ATP1A4: variants seen among roughly 807,000 people sequenced by gnomAD.
ATP1A4 encodes sodium/potassium-transporting ATPase subunit alpha-4.
Under a neutral mutation model 114.3 loss-of-function variants are expected in ATP1A4, and 90 were observed. The observed-to-expected ratio is 0.79, with a 90% confidence interval of 0.66 to 0.94. ATP1A4 has a LOEUF of 0.94. Ranked by LOEUF, ATP1A4 falls within the 40% of genes least tolerant of loss-of-function variation. ATP1A4 has a pLI of 0.00. For missense variants in ATP1A4, 1,222 were observed against 1,313.6 expected, an observed-to-expected ratio of 0.93 and a Z score of 1.08; for synonymous variants, 511 against 494.1, an observed-to-expected ratio of 1.03 and a Z score of -0.45.
At position 160,181,834 on chromosome 1, in the gene ATP1A4, G is replaced by A; in HGVS notation, c.2867+20G>A. 2.5e-6 allele frequency: 4 copies of A among 1,613,518 alleles called. No individual in the cohort carries two copies. The highest frequency in any genetic ancestry group is 3.4e-6 in the Non-Finnish European group (4 of 1,179,876). Reference sequence around the variant, plus strand: ...CATGAGGTGAACATCTCACAAAACAGCCCAGCACTCTCCCAAGCCCCACAC... The same window carrying A: ...CATGAGGTGAACATCTCACAAAACAACCCAGCACTCTCCCAAGCCCCACAC... On this transcript the variant is annotated intron_variant, in intron 19 of 21. Coordinates refer to ENST00000368081, the MANE Select transcript of ATP1A4 (RefSeq NM_144699.4).
rs1054048664 is a variant in ATP1A4 at position 160,151,971 on chromosome 1, C to T, written c.-70C>T. Reference sequence around the variant, plus strand: ...CCCCCTTGCCCGCGCGCCCTCTTCCCTTCCCCTTGCCTCACTCTCTCAGCT... The same window carrying T: ...CCCCCTTGCCCGCGCGCCCTCTTCCTTTCCCCTTGCCTCACTCTCTCAGCT... On this transcript the variant is annotated 5_prime_UTR_variant, in exon 1 of 22. Coordinates refer to ENST00000368081, the MANE Select transcript of ATP1A4 (RefSeq NM_144699.4). 1.9e-6 allele frequency: 3 copies of T among 1,550,674 alleles called. No individual in the cohort carries two copies. Among genetic ancestry groups the T allele is most frequent in the African/African-American group, 1.4e-5 (1 of 72,772 alleles).
Position 160,171,305 on chromosome 1 carries a change from G to A in ATP1A4, c.1546G>A (p.Gly516Ser). The change falls in exon 11 of 22, where the codon GGT becomes AGT. Residue 516 changes from glycine (G) to serine (S), a missense_variant. Coordinates refer to ENST00000368081, the MANE Select transcript of ATP1A4 (RefSeq NM_144699.4). ...CCAGACCCACGTACTGATGATGAAGGGTGCTCCGGAGAGGATCTTGGAGTT... is the reference window on the plus strand; with the variant it reads ...CCAGACCCACGTACTGATGATGAAGAGTGCTCCGGAGAGGATCTTGGAGTT... ...SSQTHVLMMK[G>S]APERILEFCS... 2.5e-6 allele frequency: 4 copies of A among 1,614,026 alleles called. No homozygotes were observed.
chr1:160,160,373 C>T (rs558692022), intron 6 of ATP1A4, among the ~76,000 whole-genome samples: 4 of 152,174 alleles, frequency 2.6e-5, no homozygotes, highest in South Asian at 2.1e-4. Context: ...CCCACCACCA[C>T]GCCCAGTTAT....
intron 6 of ATP1A4, among the ~76,000 whole-genome samples, chr1:160,161,501 A>G (rs1652861744): frequency 6.6e-6 from 1 of 152,202 alleles, no homozygotes; most frequent in African/African-American, 2.4e-5. Context: ...CTCTAGACAC[A>G]CTGAGATTAA....
At position 160,171,762 on chromosome 1, in the gene ATP1A4, A is replaced by G. The variant is rs1653272280; in HGVS notation, c.1854+5A>G. 1.2e-6 allele frequency: 2 copies of G among 1,613,142 alleles called. No homozygotes were observed. The highest frequency in any genetic ancestry group is 1.7e-6 in the Non-Finnish European group (2 of 1,179,512). On this transcript the variant is annotated splice_donor_5th_base_variant and intron_variant, in intron 12 of 21. Coordinates refer to ENST00000368081, the MANE Select transcript of ATP1A4 (RefSeq NM_144699.4). ...TGTCGCAGTGCAGGAATTAAGGTAA[A>G]TACTTGCCCAGACCAGGAGCCCCTC... is the stretch of plus-strand genomic sequence containing the variant.
chr1:160,168,746 G>T (rs140069107), intron 10 of ATP1A4, among the ~76,000 whole-genome samples: 3 of 151,964 alleles, frequency 2.0e-5, no homozygotes, highest in African/African-American at 4.8e-5. Context: ...AGCAAGTAAG[G>T]GTTAAATAGA....
chr1:160,171,108 C>A, intron 10 of ATP1A4, 143 bp from the exon 11 acceptor site: 1 of 699,182 alleles, frequency 1.4e-6, no homozygotes. Flanking sequence ...CAACCTGGGG[C>A]GAGATGTGAC....
chr1:160,159,094 A>T lies in ATP1A4; in HGVS notation c.618A>T (p.Arg206=). ...TGGTGGAAATCAAGGGTGGAGACCG[A>T]GTCCCTGCTGACCTCCGGCTTATCT... ...GDLVEIKGGD[R]VPADLRLISA... The change falls in exon 5 of 22, where the codon CGA becomes CGT. Residue 206 remains arginine (R), a synonymous_variant. Coordinates refer to ENST00000368081, the MANE Select transcript of ATP1A4 (RefSeq NM_144699.4). 1 of 1,614,152 alleles carries T rather than the reference A, an allele frequency of 6.2e-7. No individual in the cohort carries two copies.
At chr1:160,178,030 T>C (rs1653544265) in intron 18 of ATP1A4, among the ~76,000 whole-genome samples, 1 of 152,198 alleles carries the variant, frequency 6.6e-6, no homozygotes, top group African/African-American at 2.4e-5. Flanking sequence ...TCTCCTCTTA[T>C]ACTCTCCCTC....
intron 6 of ATP1A4, among the ~76,000 whole-genome samples, chr1:160,162,084 C>G (rs1652882654): frequency 6.6e-6 from 1 of 152,152 alleles, no homozygotes; most frequent in South Asian, 2.1e-4. Context: ...TGCTTTCATT[C>G]CATTTCGAAG....
At chr1:160,181,088 C>T (rs1653683076) in intron 18 of ATP1A4, among the ~76,000 whole-genome samples, 1 of 152,106 alleles carries the variant, frequency 6.6e-6, no homozygotes, top group South Asian at 2.1e-4. Context: ...TTTATTGAGC[C>T]ATGCTACATG....
At chr1:160,181,573 G>T (rs1272841570) in intron 18 of ATP1A4, 111 bp from the exon 19 acceptor site, 477 of 944,518 alleles carry the variant, frequency 5.1e-4, no homozygotes, top group Non-Finnish European at 6.6e-4. Context: ...AAAAAAAAAA[G>T]AATGAGGACC....
rs1366130289 is a variant in ATP1A4, at chr1:160,177,500, G to A, written c.2591-19G>A. 2.5e-6 allele frequency: 4 copies of A among 1,613,110 alleles called. No homozygotes were observed. The highest frequency in any genetic ancestry group is 3.4e-6 in the Non-Finnish European group (4 of 1,179,700). On this transcript the variant is annotated intron_variant, in intron 17 of 21. Transcript: ENST00000368081. ...TCTCTGAACCAGGCTCCCCTGTCCT[G>A]CAACTCTGTCATTCACAGGGATGAT...
intron 6 of ATP1A4, among the ~76,000 whole-genome samples, chr1:160,160,606 T>A (rs1348709028): frequency 6.6e-6 from 1 of 152,148 alleles, no homozygotes; most frequent in Non-Finnish European, 1.5e-5. Flanking sequence ...CCAGATATTA[T>A]CCCTATTTTA....
At chr1:160,157,896 A>G (rs867505952) in intron 4 of ATP1A4, among the ~76,000 whole-genome samples, 4 of 152,206 alleles carry the variant, frequency 2.6e-5, no homozygotes, top group African/African-American at 7.2e-5. Context: ...AAAGAATACG[A>G]CGGTAAACAG....
At chr1:160,168,377 C>T (rs200601536) in intron 10 of ATP1A4, among the ~76,000 whole-genome samples, 23 of 97,042 alleles carry the variant, frequency 2.4e-4, no homozygotes, top group South Asian at 1.3e-3. Flanking sequence ...CTGCTGGTAT[C>T]TTTTTTTTTT....
intron 10 of ATP1A4, among the ~76,000 whole-genome samples, chr1:160,169,450 A>G (rs1653157686): frequency 1.3e-5 from 2 of 152,196 alleles, no homozygotes; most frequent in Admixed American, 6.5e-5. Context: ...GCACTTAGAA[A>G]ACTGAGCTCT....
chr1:160,152,295 CT>C, intron 1 of ATP1A4, 108 bp downstream of exon 1: 4 of 1,226,714 alleles, frequency 3.3e-6, no homozygotes, highest in Non-Finnish European at 4.4e-6. Flanking sequence ...AGCCACATCT[CT>C]TCTCTGTTAG....
Position 160,155,203 on chromosome 1 carries a change from C to T in ATP1A4, c.366C>T (p.Ala122=), listed in dbSNP as rs369880835. 2 of 1,613,686 alleles carry T rather than the reference C, an allele frequency of 1.2e-6. No individual in the cohort carries two copies. The highest frequency in any genetic ancestry group is 1.7e-6 in the Non-Finnish European group (2 of 1,179,918). The part of the protein sequence containing the change: ...LWTGAILCFV[A]YSIQIYFNEE... The stretch of plus-strand genomic sequence containing the variant: ...CTGGGGCCATTCTCTGCTTTGTGGC[C>T]TACAGCATCCAGATATATTTCAATG... Residue 122 remains alanine (A), a synonymous_variant, in exon 3 of 22, where the codon GCC becomes GCT. Coordinates refer to ENST00000368081, the MANE Select transcript of ATP1A4 (RefSeq NM_144699.4).
Sources: allele counts gnomAD v4.1 joint callset (sites outside exome capture counted in the v4.1 genomes callset), GRCh38; gene constraint gnomAD v4.1.1; transcripts MANE v1.5; gene names NCBI Gene and HGNC (gene_info 2026-07-23, HGNC 2026-07-21).